Variants in DENND5B observed in about 807,000 individuals in gnomAD.
The protein encoded by DENND5B is DENN domain containing 5B.
Under a neutral mutation model 140.6 loss-of-function variants are expected in DENND5B, and 34 were observed. That is an observed-to-expected ratio of 0.24 (90% CI 0.18 to 0.32). The LOEUF is 0.32. Ranked by LOEUF, DENND5B falls within the 10% of genes least tolerant of loss-of-function variation. The pLI, the probability that DENND5B is intolerant of heterozygous loss-of-function variation, is 1.00. For synonymous variants in DENND5B, 551 were observed against 562.1 expected (o/e 0.98, Z 0.28); for missense variants, 1,142 against 1,560.2 (o/e 0.73, Z 4.52).
chr12:31,394,905 C>T (rs1172105093), intron 17 of DENND5B, among the ~76,000 whole-genome samples: 1 of 152,160 alleles, frequency 6.6e-6, no homozygotes, highest in Admixed American at 6.6e-5. Flanking sequence ...AGCCACCGTG[C>T]CCGGCCTATC....
At chr12:31,543,305 G>C (rs1427630764) in intron 1 of DENND5B, among the ~76,000 whole-genome samples, 2 of 152,222 alleles carry the variant, frequency 1.3e-5, no homozygotes, top group African/African-American at 4.8e-5. Flanking sequence ...TTAGGAGTAA[G>C]ATGATGTGTG....
intron 1 of DENND5B, among the ~76,000 whole-genome samples, chr12:31,501,290 G>A (rs1946991257): frequency 6.6e-6 from 1 of 152,154 alleles, no homozygotes; most frequent in Non-Finnish European, 1.5e-5. Flanking sequence ...TCTCCTTGCT[G>A]CTGCCATATG....
chr12:31,503,540 A>T (rs1341950559), intron 1 of DENND5B, among the ~76,000 whole-genome samples: 2 of 152,244 alleles, frequency 1.3e-5, no homozygotes, highest in Admixed American at 6.5e-5. Flanking sequence ...AACAGGGCCA[A>T]ACTCTGTGTC....
chr12:31,400,623 G>C (rs1169012462), intron 15 of DENND5B, among the ~76,000 whole-genome samples: 1 of 152,048 alleles, frequency 6.6e-6, no homozygotes, highest in African/African-American at 2.4e-5. Flanking sequence ...GATTAATTGA[G>C]ATATTTTGAT....
At chr12:31,462,961 A>AAAAAAAC (rs1945087410) in intron 3 of DENND5B, among the ~76,000 whole-genome samples, 1 of 151,858 alleles carries the variant, frequency 6.6e-6, no homozygotes, top group Non-Finnish European at 1.5e-5. Flanking sequence ...CGTCTCAGAA[A>AAAAAAAC]AAAAAACAAA....
intron 1 of DENND5B, among the ~76,000 whole-genome samples, chr12:31,552,312 T>C (rs1565688306): frequency 6.6e-6 from 1 of 152,202 alleles, no homozygotes; most frequent in Non-Finnish European, 1.5e-5. Flanking sequence ...TCTGCATCTA[T>C]TGAGATAATC....
At chr12:31,530,148 A>G (rs1032630826) in intron 1 of DENND5B, among the ~76,000 whole-genome samples, 1 of 152,250 alleles carries the variant, frequency 6.6e-6, no homozygotes, top group Non-Finnish European at 1.5e-5. Flanking sequence ...AGCGGCGGGC[A>G]GATCACTTGA....
chr12:31,566,594 C>T (rs1405337295), intron 1 of DENND5B, among the ~76,000 whole-genome samples: 1 of 151,486 alleles, frequency 6.6e-6, no homozygotes, highest in Non-Finnish European at 1.5e-5. Flanking sequence ...CATAGCAGGA[C>T]CAGGTATCTA....
intron 19 of DENND5B, among the ~76,000 whole-genome samples, chr12:31,390,733 A>C (rs1941092832): frequency 6.6e-6 from 1 of 151,890 alleles, no homozygotes; most frequent in East Asian, 1.9e-4. Context: ...GAATCCTTTT[A>C]CAAAAATTGG....
Position 31,385,160 on chromosome 12 carries a change from A to G in DENND5B, c.*2443T>C, listed in dbSNP as rs1273659880. On this transcript the variant is annotated 3_prime_UTR_variant, in exon 21 of 21. Transcript: ENST00000389082. Reference sequence around the variant, plus strand: ...TATGAATATTAATTCTTCTAAATGAATATTCATCCTTATTTCCTACTTGTA... The same window carrying G: ...TATGAATATTAATTCTTCTAAATGAGTATTCATCCTTATTTCCTACTTGTA... The G allele has an allele frequency of 6.6e-6, 1 of 152,190 alleles. No individual in the cohort carries two copies. The highest frequency in any genetic ancestry group is 1.5e-5 in the Non-Finnish European group (1 of 68,042). The allele number at this position is 152,190 out of a possible 1,614,324, so 9.4% of individuals were successfully genotyped here. A position where few individuals can be genotyped will look rare whatever the true frequency, so the allele number is the denominator to read the frequency against.
chr12:31,516,212 G>T (rs894254499), intron 1 of DENND5B, among the ~76,000 whole-genome samples: 2 of 152,038 alleles, frequency 1.3e-5, no homozygotes, highest in Admixed American at 1.3e-4. Flanking sequence ...TGGGCACGGT[G>T]GCTCGCGTCT....
intron 2 of DENND5B, among the ~76,000 whole-genome samples, chr12:31,481,089 C>T (rs1305958478): frequency 6.6e-6 from 1 of 152,096 alleles, no homozygotes; most frequent in Non-Finnish European, 1.5e-5. Flanking sequence ...GAAAACAGAA[C>T]TTGTAATTCA....
At chr12:31,463,131 T>A (rs539301038) in intron 3 of DENND5B, among the ~76,000 whole-genome samples, 7 of 151,784 alleles carry the variant, frequency 4.6e-5, no homozygotes, top group Admixed American at 4.6e-4. Flanking sequence ...TAGTGGCACA[T>A]GCCTGTAATC....
In DENND5B at chr12:31,429,032, C is replaced by T. The variant is rs147994799; in HGVS notation, c.2107-2608G>A. On this transcript the variant is annotated intron_variant, in intron 8 of 20. Transcript: ENST00000389082. ...AGGTGTGAGCCACTGCACCCGGCCA[C>T]GCCCGGCTAATTTTTATATTTTTAA... Among the ~76,000 whole-genome samples the T allele has an allele frequency of 9.0e-4, 135 of 149,496 alleles. 2 individuals are homozygous for T. In the East Asian group the frequency reaches 0.023, roughly 26 times the overall value.
intron 7 of DENND5B, among the ~76,000 whole-genome samples, chr12:31,440,450 T>C (rs911287187): frequency 3.3e-5 from 5 of 152,256 alleles, no homozygotes; most frequent in Admixed American, 2.0e-4. Context: ...ATTTCAGTCA[T>C]TAGTTATTTG....
intron 13 of DENND5B, among the ~76,000 whole-genome samples, chr12:31,412,874 T>G (rs923633723): frequency 6.6e-6 from 1 of 152,216 alleles, no homozygotes; most frequent in Non-Finnish European, 1.5e-5. Flanking sequence ...TGGATGTTAC[T>G]GTCAGCTTGT....
intron 14 of DENND5B, among the ~76,000 whole-genome samples, chr12:31,407,058 C>T (rs1463105954): frequency 6.6e-6 from 1 of 152,116 alleles, no homozygotes; most frequent in African/African-American, 2.4e-5. Flanking sequence ...CCTTGGCCTC[C>T]CAAGGTGCTG....
intron 7 of DENND5B, among the ~76,000 whole-genome samples, chr12:31,439,054 A>T (rs1350810151): frequency 6.6e-6 from 1 of 152,242 alleles, no homozygotes; most frequent in Non-Finnish European, 1.5e-5. Flanking sequence ...AACTGCTATG[A>T]AGTCCACACA....
At chr12:31,443,606 A>G (rs1944143696) in intron 6 of DENND5B, among the ~76,000 whole-genome samples, 1 of 152,208 alleles carries the variant, frequency 6.6e-6, no homozygotes, top group Non-Finnish European at 1.5e-5. Flanking sequence ...AAAGAAAATG[A>G]TAGCAAATAA....
Sources: gnomAD v4.1 joint callset for allele counts (sites outside exome capture counted in the v4.1 genomes callset) on GRCh38, gnomAD v4.1.1 for gene constraint, MANE v1.5 for transcripts, NCBI Gene and HGNC (gene_info 2026-07-23, HGNC 2026-07-21) for gene names.